The following GRID2 variants were observed in gnomAD, a reference collection of about 807,000 sequenced individuals.
GRID2 encodes glutamate receptor ionotropic, delta-2.
In GRID2, 33 loss-of-function variants were observed where a neutral mutation model predicts 114.8. The ratio of observed to expected loss-of-function variants is 0.29; its 90% CI spans 0.22 to 0.38. The LOEUF is 0.38. GRID2 is among the 10% of genes least tolerant of loss of function. The pLI is 1.00. For synonymous variants in GRID2, 505 were observed against 449.9 expected (o/e 1.12, Z -1.55); for missense variants, 1,184 against 1,257.7 (o/e 0.94, Z 0.89).
chr4:93,027,260 C>T (rs1003925923), intron 2 of GRID2, among the ~76,000 whole-genome samples: 2 of 151,892 alleles, frequency 1.3e-5, no homozygotes, highest in African/African-American at 4.8e-5. Context: ...GTCAATATGC[C>T]TGGTGTGATG....
At chr4:93,646,197 T>C (rs947678699) in intron 14 of GRID2, among the ~76,000 whole-genome samples, 2 of 152,108 alleles carry the variant, frequency 1.3e-5, no homozygotes, top group Non-Finnish European at 1.5e-5. Context: ...TGGGATAATT[T>C]TATATTGGAA....
chr4:92,649,944 C>T (rs574722130), intron 2 of GRID2, among the ~76,000 whole-genome samples: 11 of 151,918 alleles, frequency 7.2e-5, no homozygotes, highest in Non-Finnish European at 1.5e-4. Context: ...ATACGTTCAA[C>T]TTACAAAGGG....
intron 13 of GRID2, among the ~76,000 whole-genome samples, chr4:93,550,094 T>G (rs1258721243): frequency 2.6e-5 from 4 of 152,004 alleles, no homozygotes; most frequent in Non-Finnish European, 5.9e-5. Flanking sequence ...TCTGATATTT[T>G]TATTATATTT....
chr4:92,494,725 T>C (rs894678828), intron 1 of GRID2, among the ~76,000 whole-genome samples: 2 of 152,044 alleles, frequency 1.3e-5, no homozygotes, highest in Non-Finnish European at 2.9e-5. Context: ...TTGTAGTATG[T>C]TTATGCATTT....
rs528237645 is a variant in GRID2 at position 92,357,233 on chromosome 4, T to C, written c.88+52489T>C. Reference sequence around the variant, plus strand: ...TGGGAAGAAGGTCAATTTGCAGTTATTTGCTGCAATTTTAATTCTAGACAT... The same window carrying C: ...TGGGAAGAAGGTCAATTTGCAGTTACTTGCTGCAATTTTAATTCTAGACAT... On this transcript the variant is annotated intron_variant, in intron 1 of 15. Transcript: ENST00000282020. Among the ~76,000 whole-genome samples, 5 of 152,000 alleles carry C rather than the reference T, an allele frequency of 3.3e-5. No individual in the cohort carries two copies. The South Asian group carries it at 1.0e-3, about 31-fold the overall frequency.
chr4:93,364,627 C>T (rs2149280360), intron 8 of GRID2, among the ~76,000 whole-genome samples: 1 of 152,000 alleles, frequency 6.6e-6, no homozygotes, highest in South Asian at 2.1e-4. Context: ...CAGTCAAATG[C>T]CACCACATTT....
intron 2 of GRID2, among the ~76,000 whole-genome samples, chr4:92,838,424 T>C (rs1433298744): frequency 6.6e-6 from 1 of 152,102 alleles, no homozygotes; most frequent in African/African-American, 2.4e-5. Context: ...GATTCTGATT[T>C]TGCAATATGG....
chr4:92,585,202 G>A (rs1299206292), intron 1 of GRID2, among the ~76,000 whole-genome samples: 1 of 151,548 alleles, frequency 6.6e-6, no homozygotes, highest in Non-Finnish European at 1.5e-5. Context: ...AAAAGTGAGG[G>A]GAAAAATTTG....
intron 2 of GRID2, among the ~76,000 whole-genome samples, chr4:92,819,373 A>G (rs535451891): frequency 6.6e-6 from 1 of 152,206 alleles, no homozygotes; most frequent in South Asian, 2.1e-4. Flanking sequence ...TGCAGCCAGT[A>G]CTGAGAACCA....
chr4:92,693,357 C>A (rs1734271783), intron 2 of GRID2, among the ~76,000 whole-genome samples: 1 of 152,098 alleles, frequency 6.6e-6, no homozygotes. Flanking sequence ...ATTAAAAATC[C>A]TGTAGACATA....
At position 92,653,069 on chromosome 4, in the gene GRID2, G is replaced by A. The variant is rs570291537; in HGVS notation, c.244+62783G>A. ...CTCTGTCACTCCAGTCCAGTGGCAC[G>A]ATCACTGCAACCTCCACCTCCCAGG... is the stretch of plus-strand genomic sequence containing the variant. On this transcript the variant is annotated intron_variant, in intron 2 of 15. Transcript: ENST00000282020. Among the ~76,000 whole-genome samples, 5 of 146,552 alleles carry A rather than the reference G, an allele frequency of 3.4e-5. No homozygotes were observed. In the South Asian group the frequency reaches 8.5e-4, roughly 25 times the overall value.
chr4:93,804,346 A>G (rs1429532382), intron 1 of GRID2, among the ~76,000 whole-genome samples: 3 of 152,124 alleles, frequency 2.0e-5, no homozygotes, highest in African/African-American at 7.2e-5. Flanking sequence ...GAGTATCCTC[A>G]CCTAAACCTA....
intron 2 of GRID2, among the ~76,000 whole-genome samples, chr4:92,789,909 T>C (rs1488972355): frequency 1.3e-5 from 2 of 151,876 alleles, no homozygotes; most frequent in South Asian, 2.1e-4. Context: ...TTCAAAGATA[T>C]GTGTTTCCTT....
chr4:92,886,837 G>A (rs1260452281), intron 2 of GRID2, among the ~76,000 whole-genome samples: 1 of 152,066 alleles, frequency 6.6e-6, no homozygotes, highest in Non-Finnish European at 1.5e-5. Flanking sequence ...GTGTTAGCCA[G>A]GATGGCCTTG....
chr4:93,631,998 G>C (rs1045506900), intron 14 of GRID2, among the ~76,000 whole-genome samples: 3 of 152,098 alleles, frequency 2.0e-5, no homozygotes, highest in Admixed American at 1.3e-4. Context: ...GTCCCTTTTG[G>C]CTGCATAAAA....
chr4:93,679,612 G>C (rs894237764), intron 14 of GRID2, among the ~76,000 whole-genome samples: 3 of 150,920 alleles, frequency 2.0e-5, no homozygotes, highest in African/African-American at 4.9e-5. Context: ...CTAGAACTCA[G>C]GATTAAGAAA....
chr4:93,787,872 A>G (rs953407878), intron 1 of GRID2, among the ~76,000 whole-genome samples: 3 of 152,216 alleles, frequency 2.0e-5, no homozygotes, highest in Non-Finnish European at 4.4e-5. Context: ...CTCTGACATC[A>G]TAACAGAGAT....
At chr4:93,634,325 C>T (rs116791236) in intron 14 of GRID2, among the ~76,000 whole-genome samples, 1,549 of 152,066 alleles carry the variant, frequency 0.01, 33 homozygotes, top group African/African-American at 0.036. Context: ...TAAATAAAAA[C>T]GGCCATCATG....
chr4:92,739,325 G>C (rs1736757254), intron 2 of GRID2, among the ~76,000 whole-genome samples: 1 of 151,972 alleles, frequency 6.6e-6, no homozygotes, highest in Non-Finnish European at 1.5e-5. Context: ...CTTTTAAAAA[G>C]TTTTCCATGT....
Sources: gnomAD v4.1 joint callset for allele counts (sites outside exome capture counted in the v4.1 genomes callset) on GRCh38, gnomAD v4.1.1 for gene constraint, MANE v1.5 for transcripts, NCBI Gene and HGNC (gene_info 2026-07-23, HGNC 2026-07-21) for gene names.